The following MCM6 variants were observed in gnomAD, a reference collection of about 807,000 sequenced individuals.
MCM6 encodes minichromosome maintenance complex component 6.
A neutral mutation model predicts 94.3 loss-of-function variants in MCM6; 46 were observed. The ratio of observed to expected loss-of-function variants is 0.49; its 90% confidence interval spans 0.39 to 0.62. The LOEUF is 0.62. Ranked by LOEUF, MCM6 falls within the 20% of genes least tolerant of loss-of-function variation. The pLI is 0.00. For synonymous variants in MCM6, 335 were observed against 351.9 expected, an observed-to-expected ratio of 0.95 and a Z score of 0.54; for missense variants, 865 against 1,017.9, an observed-to-expected ratio of 0.85 and a Z score of 2.04.
In MCM6 at chr2:135,839,970, T is replaced by G. The variant is rs1219874421; in HGVS notation, c.*865A>C. On this transcript the variant is annotated 3_prime_UTR_variant, in exon 17 of 17. Transcript: ENST00000264156. Reference sequence around the variant, plus strand: ...ATGAATGCCATCTGTTGTTAAAAGCTGCAACACAGGAACTGCTCCACCTCA... The same window carrying G: ...ATGAATGCCATCTGTTGTTAAAAGCGGCAACACAGGAACTGCTCCACCTCA... 2.0e-5 allele frequency: 3 copies of G among 152,176 alleles called. No homozygotes were observed. Among genetic ancestry groups the G allele is most frequent in the Non-Finnish European group, 4.4e-5 (3 of 68,020 alleles). The allele number at this position is 152,176 out of a possible 1,614,324, so 9.4% of individuals were successfully genotyped here. A position where few individuals can be genotyped will look rare whatever the true frequency, so the allele number is the denominator to read the frequency against.
At chr2:135,866,024 C>T (rs1196456271) in intron 6 of MCM6, 108 bp downstream of exon 6, 20 of 1,249,746 alleles carry the variant, frequency 1.6e-5, no homozygotes, top group Non-Finnish European at 2.0e-5. Flanking sequence ...ATCACTTGAG[C>T]CCAGAAAGTG....
chr2:135,849,280 A>T (rs897576862), intron 13 of MCM6, among the ~76,000 whole-genome samples: 7 of 152,196 alleles, frequency 4.6e-5, no homozygotes, highest in South Asian at 4.1e-4. Flanking sequence ...TTCTGTCATC[A>T]TGAAAGCGTA....
In MCM6 at chr2:135,852,844, G is replaced by A; in HGVS notation, c.1698C>T (p.Val566=). Residue 566 remains valine, a synonymous_variant, in exon 12 of 17, where the codon GTC becomes GTT. Transcript: ENST00000264156. ...HSRIEESIDR[V]YSLDDIRRYL... ...ATCTTCTGATATCATCGAGGGAATA[G>A]ACACGATCAATTGATTCCTCAATTC... is the stretch of plus-strand genomic sequence containing the variant. 6.2e-7 allele frequency: 1 copy of A among 1,610,808 alleles called. No individual in the cohort carries two copies. Among genetic ancestry groups the A allele is most frequent in the Non-Finnish European group, 8.5e-7 (1 of 1,178,168 alleles).
chr2:135,871,493 G>A (rs1302160952), intron 2 of MCM6, among the ~76,000 whole-genome samples: 1 of 152,070 alleles, frequency 6.6e-6, no homozygotes, highest in Non-Finnish European at 1.5e-5. Context: ...CCTTATCCCT[G>A]GGTTTTCATT....
intron 6 of MCM6, among the ~76,000 whole-genome samples, chr2:135,865,660 G>A (rs1286895346): frequency 3.9e-5 from 6 of 151,942 alleles, no homozygotes; most frequent in African/African-American, 7.2e-5. Flanking sequence ...AAAAAACAGC[G>A]TGGATAATTT....
Position 135,866,189 on chromosome 2 carries a change from C to T in MCM6, c.870G>A (p.Arg290=), listed in dbSNP as rs200675799. 102 of 1,614,034 alleles carry T rather than the reference C, an allele frequency of 6.3e-5. No homozygotes were observed. Among genetic ancestry groups the T allele is most frequent in the Non-Finnish European group, 7.9e-5 (93 of 1,180,040 alleles). ...GAAAGACCAGCCTATAAGAAAGGTC[C>T]CTAACACCAAGGGCCCGGAGTCCTC... ...GIRGLRALGV[R]DLSYRLVFLA... Residue 290 remains arginine (R), a synonymous_variant, in exon 6 of 17, where the codon AGG becomes AGA. Transcript: ENST00000264156.
At chr2:135,876,016 G>C (rs1680289322) in intron 1 of MCM6, among the ~76,000 whole-genome samples, 1 of 152,240 alleles carries the variant, frequency 6.6e-6, no homozygotes, top group Non-Finnish European at 1.5e-5. Flanking sequence ...CAGAAGCAAA[G>C]CGCTGAGCAC....
intron 1 of MCM6, among the ~76,000 whole-genome samples, chr2:135,875,604 G>T (rs1680279717): frequency 6.6e-6 from 1 of 152,162 alleles, no homozygotes; most frequent in Non-Finnish European, 1.5e-5. Context: ...AGGAGGTTGG[G>T]GTTATGAAGC....
intron 3 of MCM6, among the ~76,000 whole-genome samples, chr2:135,869,956 G>A (rs1172314336): frequency 6.6e-6 from 1 of 151,944 alleles, no homozygotes; most frequent in Non-Finnish European, 1.5e-5. Context: ...TTTCCTCCTG[G>A]TATTTTACAG....
At chr2:135,862,116 A>G (rs1360978663) in intron 8 of MCM6, among the ~76,000 whole-genome samples, 3 of 152,148 alleles carry the variant, frequency 2.0e-5, no homozygotes, top group East Asian at 1.9e-4. Flanking sequence ...GCTATAGTAT[A>G]CCAACAAAAA....
chr2:135,866,426 T>C lies in MCM6; in HGVS notation c.781+137A>G, dbSNP rs1680096316. 3.6e-6 allele frequency: 5 copies of C among 1,394,466 alleles called. No homozygotes were observed. In the Admixed American group the frequency reaches 1.1e-4, roughly 30 times the overall value. 86.4% of individuals were successfully genotyped at this position (1,394,466 alleles called of 1,614,324 possible). On this transcript the variant is annotated intron_variant, in intron 5 of 16. Transcript: ENST00000264156. ...AGCACCATTTGTGGCAAAACCAATT[T>C]GTTTTTATTCTCATCACACTTCGTT... is the stretch of plus-strand genomic sequence containing the variant.
At chr2:135,863,625 C>T (rs1456180490) in intron 7 of MCM6, among the ~76,000 whole-genome samples, 5 of 151,992 alleles carry the variant, frequency 3.3e-5, no homozygotes, top group African/African-American at 4.8e-5. Flanking sequence ...CAGCTAATTT[C>T]GGGGCTGTGG....
rs777924501 is a variant in MCM6 at position 135,872,806 on chromosome 2, A to C, written c.145T>G (p.Leu49Val). Residue 49 changes from leucine to valine, a missense_variant, in exon 2 of 17, where the codon TTA (leucine) becomes GTA (valine). Physicochemically the swap from Leu to Val is conservative, Grantham distance 32. This residue lies in a region of MCM6 where 404 missense variants were observed against 451.9 expected (regional missense o/e 0.89). Coordinates refer to ENST00000264156, the MANE Select transcript of MCM6 (RefSeq NM_005915.6). ...TCAGGACGAATCAGTTCCTCTGCTA[A>C]TTGCAAGTATTTAATTTCTCCATCG... ...SSDGEIKYLQ[L>V]AEELIRPERN... 1.2e-6 allele frequency: 2 copies of C among 1,614,066 alleles called. No individual in the cohort carries two copies. Among genetic ancestry groups the C allele is most frequent in the African/African-American group, 2.7e-5 (2 of 74,936 alleles).
chr2:135,864,165 T>TAA (rs1680046462), intron 7 of MCM6, among the ~76,000 whole-genome samples: 1 of 152,096 alleles, frequency 6.6e-6, no homozygotes, highest in South Asian at 2.1e-4. Context: ...ACCATAATCC[T>TAA]AATTGAGTAT....
chr2:135,847,920 G>T (rs1306897330), intron 14 of MCM6, 133 bp downstream of exon 14: 2 of 613,072 alleles, frequency 3.3e-6, no homozygotes, highest in African/African-American at 3.6e-5. Context: ...ACAGTGAATA[G>T]AATTCAGTAT....
At chr2:135,860,721 G>GT (rs1228811335) in intron 8 of MCM6, among the ~76,000 whole-genome samples, 1 of 152,148 alleles carries the variant, frequency 6.6e-6, no homozygotes, top group East Asian at 1.9e-4. Flanking sequence ...CTAATAAAGG[G>GT]TTTTTTCTTT....
intron 4 of MCM6, among the ~76,000 whole-genome samples, chr2:135,867,116 C>G (rs4988172): frequency 0.062 from 9,420 of 152,200 alleles, 562 homozygotes; most frequent in African/African-American, 0.15. Flanking sequence ...ATACCCTCCA[C>G]TTCAACACAA....
intron 4 of MCM6, among the ~76,000 whole-genome samples, chr2:135,868,033 A>C (rs956337896): frequency 6.6e-6 from 1 of 151,944 alleles, no homozygotes. Flanking sequence ...TCAAAAAAAA[A>C]CAAAAAACAA....
Position 135,856,736 on chromosome 2 carries a change from A to T in MCM6, c.1618T>A (p.Cys540Ser). 6.2e-7 allele frequency: 1 copy of T among 1,614,026 alleles called. No individual in the cohort carries two copies. The highest frequency in any genetic ancestry group is 8.5e-7 in the Non-Finnish European group (1 of 1,179,982). The change falls in exon 11 of 17, where the codon TGT (cysteine) becomes AGT (serine). Residue 540 changes from cysteine to serine, a missense_variant. Around this residue, in one of 3 missense-constraint regions of MCM6, gnomAD observed 153 missense variants for 241.5 expected, o/e 0.63. Transcript: ENST00000264156. Reference protein sequence around the residue: ...FDLFFILVDECNEVTDYAIAR... With the variant: ...FDLFFILVDESNEVTDYAIAR... ...GAAGCTCATGGGGTTACCTCATTAC[A>T]TTCATCCACAAGGATAAAGAAGAGA...
Sources: gnomAD v4.1 joint callset for allele counts (sites outside exome capture counted in the v4.1 genomes callset) on GRCh38, gnomAD v4.1.1 for gene constraint, gnomAD v4.1.1 regional missense constraint, MANE v1.5 for transcripts, NCBI Gene and HGNC (gene_info 2026-07-23, HGNC 2026-07-21) for gene names.